The following CDH17 variants were observed in gnomAD, a reference collection of about 807,000 sequenced individuals.
The protein encoded by CDH17 is cadherin-17.
Under a neutral mutation model 86.3 loss-of-function variants are expected in CDH17, and 67 were observed. The observed-to-expected ratio is 0.78, with a 90% CI of 0.64 to 0.95. CDH17 has a LOEUF of 0.95. Among genes scored for constraint, CDH17 ranks in the 40% least tolerant of loss-of-function variants. The pLI, the probability that CDH17 is intolerant of heterozygous loss-of-function variation, is 0.00. For missense variants in CDH17, 993 were observed against 1,017.6 expected (o/e 0.98, Z 0.33); for synonymous variants, 367 against 366.4 (o/e 1.00, Z -0.02).
intron 2 of CDH17, among the ~76,000 whole-genome samples, chr8:94,191,086 G>A (rs1813679422): frequency 6.6e-6 from 1 of 152,042 alleles, no homozygotes; most frequent in South Asian, 2.1e-4. Flanking sequence ...GTGGCCAAGT[G>A]GCCCAGTTCT....
At chr8:94,149,201 G>A (rs935904304) in intron 13 of CDH17, among the ~76,000 whole-genome samples, 1 of 152,102 alleles carries the variant, frequency 6.6e-6, no homozygotes, top group African/African-American at 2.4e-5. Flanking sequence ...AAACTTTTCT[G>A]GCAATCAAAA....
chr8:94,182,805 G>C (rs1328007380), intron 3 of CDH17, among the ~76,000 whole-genome samples: 1 of 151,794 alleles, frequency 6.6e-6, no homozygotes, highest in African/African-American at 2.4e-5. Context: ...ATAAAGATTG[G>C]AAATAAAAAA....
At chr8:94,180,168 G>A (rs1813451211) in intron 3 of CDH17, among the ~76,000 whole-genome samples, 1 of 151,702 alleles carries the variant, frequency 6.6e-6, no homozygotes, top group Non-Finnish European at 1.5e-5. Context: ...TTCATAAGAG[G>A]GTGTTCAAAA....
At chr8:94,146,265 C>A (rs2130592697) in intron 14 of CDH17, 98 bp from the exon 15 acceptor site, 1 of 1,123,234 alleles carries the variant, frequency 8.9e-7, no homozygotes, top group East Asian at 2.8e-5. Context: ...GTTAGGTACA[C>A]TGAGATGCTA....
rs553519106 is a variant in CDH17 at position 94,187,403 on chromosome 8, G to T, written c.150+1784C>A. On this transcript the variant is annotated intron_variant, in intron 3 of 17. Transcript: ENST00000027335. ...TCACCGGAGCAGGGATGGAGTCGGG[G>T]TCATCCCATATCCCCAGTACCCAGC... Among the ~76,000 whole-genome samples the T allele has an allele frequency of 3.9e-5, 6 of 152,310 alleles. No homozygotes were observed. The East Asian group carries it at 1.2e-3, about 29-fold the overall frequency.
intron 4 of CDH17, 146 bp from the exon 5 acceptor site, chr8:94,176,825 A>G: frequency 2.7e-6 from 2 of 729,348 alleles, no homozygotes. Flanking sequence ...CAAATTGGGA[A>G]ATGCTAAAAC....
intron 3 of CDH17, among the ~76,000 whole-genome samples, chr8:94,187,028 C>T (rs1163545924): frequency 6.6e-6 from 1 of 152,180 alleles, no homozygotes; most frequent in Non-Finnish European, 1.5e-5. Flanking sequence ...AGCACCTGCT[C>T]GTTTTTGAGT....
chr8:94,172,889 T>C (rs1813296312), intron 7 of CDH17, among the ~76,000 whole-genome samples: 1 of 151,068 alleles, frequency 6.6e-6, no homozygotes, highest in Admixed American at 6.6e-5. Flanking sequence ...GGTGAGGGAG[T>C]TTCCAAGGGG....
chr8:94,161,996 TC>T, intron 11 of CDH17, 89 bp downstream of exon 11: 1 of 822,950 alleles, frequency 1.2e-6, no homozygotes, highest in Non-Finnish European at 2.0e-6. Flanking sequence ...CTGGCACTTT[TC>T]CTAGCTACTG....
At chr8:94,135,589 G>T (rs1422281885) in intron 15 of CDH17, among the ~76,000 whole-genome samples, 1 of 152,014 alleles carries the variant, frequency 6.6e-6, no homozygotes, top group Non-Finnish European at 1.5e-5. Context: ...CACACTGATG[G>T]GTCTTGACTC....
intron 1 of CDH17, among the ~76,000 whole-genome samples, chr8:94,205,123 C>T (rs548893872): frequency 6.6e-6 from 1 of 152,128 alleles, no homozygotes; most frequent in African/African-American, 2.4e-5. Context: ...ACTTCCCTCA[C>T]GTGTGCAGCT....
chr8:94,154,652 G>A (rs902875005), intron 12 of CDH17, among the ~76,000 whole-genome samples: 3 of 152,136 alleles, frequency 2.0e-5, no homozygotes, highest in Non-Finnish European at 4.4e-5. Flanking sequence ...GCTTACTGCT[G>A]TCTTCTCCGT....
rs117726115 is a variant in CDH17, at chr8:94,215,025, C to T, written c.-21+2173G>A. Among the ~76,000 whole-genome samples, 548 of 152,268 alleles carry T rather than the reference C, an allele frequency of 3.6e-3. 7 individuals carry two copies. Among genetic ancestry groups the T allele is most frequent in the East Asian group, 0.025 (132 of 5,190 alleles). On this transcript the variant is annotated intron_variant, in intron 1 of 17. Coordinates refer to the CDH17 transcript ENST00000450165. ...AAGATGATGTGGAGAAATTAGAATC[C>T]TCATATGCTTCTGGTGGGAATGTAA...
At chr8:94,195,472 T>C (rs914742908) in intron 1 of CDH17, among the ~76,000 whole-genome samples, 10 of 152,350 alleles carry the variant, frequency 6.6e-5, no homozygotes, top group East Asian at 1.9e-4. Flanking sequence ...TTTGATCTTC[T>C]AGATATTGTC....
At chr8:94,177,869 G>T in intron 3 of CDH17, 148 bp from the exon 4 acceptor site, 1 of 715,022 alleles carries the variant, frequency 1.4e-6, no homozygotes, top group Non-Finnish European at 2.3e-6. Flanking sequence ...CCTTCTAAAA[G>T]TTTGTTTGCA....
intron 15 of CDH17, among the ~76,000 whole-genome samples, chr8:94,132,578 A>T (rs1812440774): frequency 6.6e-6 from 1 of 152,116 alleles, no homozygotes; most frequent in Non-Finnish European, 1.5e-5. Flanking sequence ...CCTTTGTCAG[A>T]TGGGTAGATT....
intron 1 of CDH17, among the ~76,000 whole-genome samples, chr8:94,194,958 A>G (rs1813754254): frequency 6.6e-6 from 1 of 152,176 alleles, no homozygotes; most frequent in Non-Finnish European, 1.5e-5. Flanking sequence ...TTGCTTTGTT[A>G]TGATCTTCTT....
At position 94,170,588 on chromosome 8, in the gene CDH17, C is replaced by G. The variant is rs772895803; in HGVS notation, c.916-41G>C. On this transcript the variant is annotated intron_variant, in intron 8 of 17. Coordinates refer to ENST00000027335, the MANE Select transcript of CDH17 (RefSeq NM_004063.4). ...CAGAGTTAAGGCAAGACTCACCCAC[C>G]ACCCTCTGTCAAAAGCAGAGAAAAT... 3.8e-6 allele frequency: 6 copies of G among 1,590,350 alleles called. No individual in the cohort carries two copies. The East Asian group carries it at 1.3e-4, about 36-fold the overall frequency.
chr8:94,214,721 T>C (rs1335195576), intron 1 of CDH17, among the ~76,000 whole-genome samples: 1 of 152,112 alleles, frequency 6.6e-6, no homozygotes, highest in Non-Finnish European at 1.5e-5. Flanking sequence ...AGACAATTCA[T>C]AGAAGGAAAG....
Sources: allele counts gnomAD v4.1 joint callset (sites outside exome capture counted in the v4.1 genomes callset), GRCh38; gene constraint gnomAD v4.1.1; transcripts MANE v1.5; gene names NCBI Gene and HGNC (gene_info 2026-07-23, HGNC 2026-07-21).